The following GOLM1 variants were observed in gnomAD, a reference collection of about 807,000 sequenced individuals.
GOLM1 encodes the protein golgi membrane protein 1, also known as epididymis luminal protein 46.
In GOLM1, 31 loss-of-function variants were observed where a neutral mutation model predicts 50.5. That is an observed-to-expected ratio of 0.61 (90% CI 0.46 to 0.83). The LOEUF is 0.83. Ranked by LOEUF, GOLM1 falls within the 40% of genes least tolerant of loss-of-function variation. The pLI is 0.00. For synonymous variants in GOLM1, 178 were observed against 192.8 expected (o/e 0.92, Z 0.64); for missense variants, 491 against 501.3 (o/e 0.98, Z 0.20).
intron 6 of GOLM1, among the ~76,000 whole-genome samples, chr9:86,039,967 C>CAAA (rs202123864): frequency 1.4e-5 from 1 of 72,372 alleles, no homozygotes; most frequent in Non-Finnish European, 3.1e-5. Flanking sequence ...GATGCCCTCT[C>CAAA]AAAAAAAAAA....
chr9:86,045,231 G>A (rs1414928502), intron 5 of GOLM1, among the ~76,000 whole-genome samples: 2 of 149,794 alleles, frequency 1.3e-5, no homozygotes, highest in African/African-American at 4.9e-5. Flanking sequence ...GGCGCCTGTA[G>A]TCCCAGCTAC....
chr9:86,061,092 T>C (rs1156316797), intron 3 of GOLM1, among the ~76,000 whole-genome samples: 2 of 151,980 alleles, frequency 1.3e-5, no homozygotes, highest in African/African-American at 4.8e-5. Flanking sequence ...CGAGTTGTAA[T>C]CGCTGAAGCT....
At chr9:86,050,169 T>G (rs1242803198) in intron 4 of GOLM1, among the ~76,000 whole-genome samples, 1 of 152,226 alleles carries the variant, frequency 6.6e-6, no homozygotes, top group Admixed American at 6.5e-5. Context: ...GGATTATGTT[T>G]ACTGATTTGC....
intron 8 of GOLM1, among the ~76,000 whole-genome samples, chr9:86,033,651 C>CG (rs1005533781): frequency 1.3e-5 from 2 of 152,154 alleles, no homozygotes; most frequent in African/African-American, 4.8e-5. Context: ...CATGGAGAAA[C>CG]TAACAACCCA....
intron 3 of GOLM1, among the ~76,000 whole-genome samples, chr9:86,068,034 T>A (rs966853579): frequency 2.1e-4 from 32 of 149,868 alleles, no homozygotes; most frequent in Admixed American, 8.6e-4. Context: ...TAAATAAATT[T>A]AAAAAAAAAG....
rs548061132 is a variant in GOLM1, at chr9:86,048,069, T to C, written c.365-1497A>G. ...GACACGCCCCAGATGTTCCTTGCCC[T>C]GTGTCCATGTGTTCTCATTGTTCAA... On this transcript the variant is annotated intron_variant, in intron 4 of 9. Coordinates refer to ENST00000388712, the MANE Select transcript of GOLM1 (RefSeq NM_016548.4). 4.5e-4 allele frequency among the ~76,000 whole-genome samples: 53 copies of C among 118,022 alleles called. 1 individual carries two copies. Among genetic ancestry groups the C allele is most frequent in the African/African-American group, 1.7e-3 (53 of 30,354 alleles). 77.4% of individuals were successfully genotyped at this position (118,022 alleles called of 152,430 possible).
intron 2 of GOLM1, among the ~76,000 whole-genome samples, chr9:86,078,333 T>C (rs1384403992): frequency 1.3e-5 from 2 of 152,192 alleles, no homozygotes; most frequent in Non-Finnish European, 2.9e-5. Context: ...AGAGGGAAAT[T>C]GTGCTCAATG....
At chr9:86,071,078 T>TACACACACACACACACAC (rs58612344) in intron 3 of GOLM1, among the ~76,000 whole-genome samples, 128 of 148,338 alleles carry the variant, frequency 8.6e-4, no homozygotes, top group Middle Eastern at 3.4e-3. Flanking sequence ...TATATACATG[T>TACACACACACACACACAC]ACACACACAC....
intron 1 of GOLM1, among the ~76,000 whole-genome samples, chr9:86,087,997 T>C (rs1835032085): frequency 6.6e-6 from 1 of 152,198 alleles, no homozygotes; most frequent in African/African-American, 2.4e-5. Flanking sequence ...TTGTTTGGAA[T>C]AGTTTCAGAA....
At chr9:86,049,594 G>GT (rs1833669851) in intron 4 of GOLM1, among the ~76,000 whole-genome samples, 1 of 152,170 alleles carries the variant, frequency 6.6e-6, no homozygotes, top group African/African-American at 2.4e-5. Context: ...CACGTCCCTT[G>GT]TAAGTTGGAT....
intron 3 of GOLM1, among the ~76,000 whole-genome samples, chr9:86,060,711 T>G (rs1834128295): frequency 6.6e-6 from 1 of 151,024 alleles, no homozygotes; most frequent in African/African-American, 2.4e-5. Context: ...AAGCCCCGTC[T>G]CTACTAAAAA....
intron 1 of GOLM1, among the ~76,000 whole-genome samples, chr9:86,088,420 G>GTACATATATATATA (rs1554675516): frequency 1.2e-5 from 1 of 86,300 alleles, no homozygotes. Flanking sequence ...TTTGAAGGGT[G>GTACATATATATATA]TATATATATA....
At chr9:86,053,663 C>A in intron 3 of GOLM1, among the ~76,000 whole-genome samples, 1 of 148,100 alleles carries the variant, frequency 6.8e-6, no homozygotes, top group East Asian at 2.0e-4. Flanking sequence ...CTACACCACT[C>A]CACACACGGC....
chr9:86,043,373 C>T (rs1406899910), intron 5 of GOLM1, among the ~76,000 whole-genome samples: 1 of 152,164 alleles, frequency 6.6e-6, no homozygotes, highest in Non-Finnish European at 1.5e-5. Context: ...TCTCCATCAG[C>T]TTTTGTGTTC....
Position 86,041,412 on chromosome 9 carries a change from C to A in GOLM1, c.468-544G>T, listed in dbSNP as rs1201296753. ...AGGGAGGAGTGGAGATTGAGTTCAA[C>A]CCTGTGGCCGATGGTGTAATCAATC... On this transcript the variant is annotated intron_variant, in intron 5 of 9. Coordinates refer to ENST00000388712, the MANE Select transcript of GOLM1 (RefSeq NM_016548.4). Among the ~76,000 whole-genome samples, 3 of 152,146 alleles carry A rather than the reference C, an allele frequency of 2.0e-5. No homozygotes were observed. The East Asian group carries it at 5.8e-4, about 29-fold the overall frequency.
chr9:86,047,567 G>C (rs1444753238), intron 4 of GOLM1, among the ~76,000 whole-genome samples: 2 of 151,996 alleles, frequency 1.3e-5, no homozygotes, highest in Non-Finnish European at 2.9e-5. Context: ...TGGGTGGGGG[G>C]TCCTGGAGCG....
At position 86,027,894 on chromosome 9, in the gene GOLM1, C is replaced by G; in HGVS notation, c.1130-1G>C. The G allele has an allele frequency of 6.4e-7, 1 of 1,561,316 alleles. No individual in the cohort carries two copies. Among genetic ancestry groups the G allele is most frequent in the Non-Finnish European group, 8.8e-7 (1 of 1,132,738 alleles). On this transcript the variant is annotated splice_acceptor_variant, in intron 9 of 9. Transcript: ENST00000388712. LOFTEE classifies it high-confidence loss of function. ...CTTTTCTGATCTTCAACATTAAAAA[C>G]TAAAAAGGAAAAACACATAATATTC... is the stretch of plus-strand genomic sequence containing the variant.
chr9:86,088,440 A>G (rs1272403677), intron 1 of GOLM1, among the ~76,000 whole-genome samples: 2 of 120,748 alleles, frequency 1.7e-5, no homozygotes, highest in Admixed American at 8.8e-5. Flanking sequence ...ATATATATAT[A>G]TATATATATA....
chr9:86,091,292 G>A (rs968725520), intron 1 of GOLM1, among the ~76,000 whole-genome samples: 27 of 152,172 alleles, frequency 1.8e-4, no homozygotes, highest in Admixed American at 1.6e-3. Context: ...ATTTAGAAGG[G>A]CATTTCCTAT....
Sources: gnomAD v4.1 joint callset for allele counts (sites outside exome capture counted in the v4.1 genomes callset) on GRCh38, gnomAD v4.1.1 for gene constraint, MANE v1.5 for transcripts, NCBI Gene and HGNC (gene_info 2026-07-23, HGNC 2026-07-21) for gene names.